The following PPP2R2A variants were observed in gnomAD, a reference collection of about 807,000 sequenced individuals.
The protein encoded by PPP2R2A is serine/threonine-protein phosphatase 2A 55 kDa regulatory subunit B alpha isoform.
Under a neutral mutation model 53.2 loss-of-function variants are expected in PPP2R2A, and 9 were observed. The observed-to-expected ratio is 0.17, with a 90% CI of 0.10 to 0.30. The LOEUF (loss-of-function observed/expected upper bound fraction) is 0.30, where lower values mean the gene tolerates loss of function less well. Ranked by LOEUF, PPP2R2A falls within the 10% of genes least tolerant of loss-of-function variation. The pLI is 1.00. For synonymous variants in PPP2R2A, 169 were observed against 174.2 expected (o/e 0.97, Z 0.23); for missense variants, 235 against 534.6 (o/e 0.44, Z 5.53).
At chr8:26,350,362 CTTGTACT>C (rs1804431538) in intron 3 of PPP2R2A, among the ~76,000 whole-genome samples, 1 of 152,130 alleles carries the variant, frequency 6.6e-6, no homozygotes, top group African/African-American at 2.4e-5. Flanking sequence ...CACGTCCGGC[CTTGTACT>C]TACTCTTGTG....
Position 26,371,276 on chromosome 8 carries a change from G to A in PPP2R2A, c.*863G>A, listed in dbSNP as rs1446157969. On this transcript the variant is annotated 3_prime_UTR_variant, in exon 10 of 10. Coordinates refer to ENST00000380737, the MANE Select transcript of PPP2R2A (RefSeq NM_002717.4). The stretch of plus-strand genomic sequence containing the variant: ...TTAACAAGTGTTCTTTTACATGCAG[G>A]AGGAGAGGTATTGGTTCTCTATGAA... 4 of 151,558 alleles carry A rather than the reference G, an allele frequency of 2.6e-5. No individual in the cohort carries two copies. The South Asian group carries it at 8.3e-4, about 31-fold the overall frequency. The allele number at this position is 151,558 out of a possible 1,614,324, so 9.4% of individuals were successfully genotyped here. A position where few individuals can be genotyped will look rare whatever the true frequency, so the allele number is the denominator to read the frequency against.
At chr8:26,291,902 GCCCGCGC>G in intron 1 of PPP2R2A, 76 bp downstream of exon 1, 1 of 1,451,630 alleles carries the variant, frequency 6.9e-7, no homozygotes, top group Non-Finnish European at 9.2e-7. Flanking sequence ...CCTAGCGACC[GCCCGCGC>G]CTCGCGCAGA....
At chr8:26,361,845 A>G (rs904952347) in intron 6 of PPP2R2A, among the ~76,000 whole-genome samples, 9 of 151,366 alleles carry the variant, frequency 5.9e-5, no homozygotes, top group Non-Finnish European at 1.0e-4. Context: ...CCTGTAATCT[A>G]AGCTACATGG....
At chr8:26,351,665 A>G (rs932573269) in intron 3 of PPP2R2A, among the ~76,000 whole-genome samples, 1 of 152,192 alleles carries the variant, frequency 6.6e-6, no homozygotes, top group Non-Finnish European at 1.5e-5. Context: ...TGAATAGTCA[A>G]CCTAACACCA....
At chr8:26,368,756 G>A (rs1465412501) in intron 9 of PPP2R2A, among the ~76,000 whole-genome samples, 4 of 152,160 alleles carry the variant, frequency 2.6e-5, no homozygotes, top group Admixed American at 2.0e-4. Flanking sequence ...GCAGTGAGCT[G>A]TGATTGTGCC....
At chr8:26,366,680 A>T (rs1399956359) in intron 9 of PPP2R2A, among the ~76,000 whole-genome samples, 1 of 152,116 alleles carries the variant, frequency 6.6e-6, no homozygotes, top group Non-Finnish European at 1.5e-5. Context: ...AACCATTAAA[A>T]CGGTGAAGCT....
chr8:26,320,737 G>GTAT (rs532834257), intron 2 of PPP2R2A, among the ~76,000 whole-genome samples: 1 of 152,222 alleles, frequency 6.6e-6, no homozygotes, highest in Non-Finnish European at 1.5e-5. Context: ...AAGTTTGGTG[G>GTAT]TATTATTATT....
chr8:26,348,074 T>C (rs1045208004), intron 3 of PPP2R2A, among the ~76,000 whole-genome samples: 1 of 152,212 alleles, frequency 6.6e-6, no homozygotes. Context: ...AAAATACTTT[T>C]ATACTGCTAT....
chr8:26,357,305 G>T (rs1004940387), intron 4 of PPP2R2A, among the ~76,000 whole-genome samples: 2 of 143,588 alleles, frequency 1.4e-5, no homozygotes, highest in South Asian at 4.7e-4. Context: ...CAATATAATG[G>T]GTCTATATAA....
In PPP2R2A at chr8:26,371,904, TATTTTTGAAAGGTG is replaced by T. The variant is rs1255691707; in HGVS notation, c.*1493_*1506del. 1 of 152,208 alleles carries T rather than the reference TATTTTTGAAAGGTG, an allele frequency of 6.6e-6. No homozygotes were observed. The highest frequency in any genetic ancestry group is 1.9e-4 in the East Asian group (1 of 5,196). 9.4% of individuals were successfully genotyped at this position (152,208 alleles called of 1,614,324 possible). Reference sequence around the variant, plus strand: ...ACTTTAATGGAGAAGAAATGGACTTTATTTTTGAAAGGTGAAATGAACAGGCATTTATATTATTA... The same window carrying T: ...ACTTTAATGGAGAAGAAATGGACTTTAAATGAACAGGCATTTATATTATTA... On this transcript the variant is annotated 3_prime_UTR_variant, in exon 10 of 10. Transcript: ENST00000380737.
Position 26,321,480 on chromosome 8 carries a change from C to G in PPP2R2A, c.83-17410C>G, listed in dbSNP as rs891789421. 2.0e-5 allele frequency among the ~76,000 whole-genome samples: 3 copies of G among 152,204 alleles called. No homozygotes were observed. The highest frequency in any genetic ancestry group is 1.9e-4 in the East Asian group (1 of 5,200). On this transcript the variant is annotated intron_variant, in intron 2 of 9. Transcript: ENST00000380737. This position sits in a 1 kb window ranked among gnomAD's most constrained non-coding sequence, Gnocchi z 4.1. ...CTGGACCTCTCGTGACTTGCTTCCA[C>G]AAGTGGGGCAAGATGCTGGGATGCT...
At chr8:26,342,758 G>C (rs1391284196) in intron 3 of PPP2R2A, among the ~76,000 whole-genome samples, 1 of 151,826 alleles carries the variant, frequency 6.6e-6, no homozygotes. Context: ...TTCTTAATGT[G>C]GTATTCCCAA....
intron 2 of PPP2R2A, among the ~76,000 whole-genome samples, chr8:26,309,480 G>T (rs1308221505): frequency 6.6e-6 from 1 of 152,142 alleles, no homozygotes; most frequent in Non-Finnish European, 1.5e-5. Context: ...TCAACTTAAA[G>T]TCACCCAGCT....
In PPP2R2A at chr8:26,362,949, AC is replaced by A; in HGVS notation, c.802+104del. The stretch of plus-strand genomic sequence containing the variant: ...CAATTACAGAGGTTCAAAGTCTTAA[AC>A]CCGTGTGTCCAGAGCCACTTGTACC... On this transcript the variant is annotated intron_variant, in intron 7 of 9. Transcript: ENST00000380737. The surrounding 1 kb of genome is among the most constrained non-coding windows in gnomAD (Gnocchi z 4.4). 4.2e-6 allele frequency: 5 copies of A among 1,183,968 alleles called. No individual in the cohort carries two copies. The highest frequency in any genetic ancestry group is 6.0e-6 in the Non-Finnish European group (5 of 838,690). The allele number at this position is 1,183,968 out of a possible 1,614,324, so 73.3% of individuals were successfully genotyped here.
intron 2 of PPP2R2A, among the ~76,000 whole-genome samples, chr8:26,320,504 C>A (rs1402157564): frequency 1.3e-5 from 2 of 152,110 alleles, no homozygotes; most frequent in Non-Finnish European, 2.9e-5. Context: ...TGCTGGTATT[C>A]TAACTTACGA....
rs1801412739 is a variant in PPP2R2A at position 26,293,724 on chromosome 8, T to C, written c.66T>C (p.Asp22=). 6.2e-7 allele frequency: 1 copy of C among 1,613,730 alleles called. No homozygotes were observed. The highest frequency in any genetic ancestry group is 8.5e-7 in the Non-Finnish European group (1 of 1,179,786). The change falls in exon 2 of 10, where the codon GAT becomes GAC. Residue 22 remains aspartate, a synonymous_variant. Coordinates refer to ENST00000380737, the MANE Select transcript of PPP2R2A (RefSeq NM_002717.4). Reference sequence around the variant, plus strand: ...TTTCTCAGGTGAAAGGAGCAGTAGATGATGATGTAGCAGAAGGTAAGAAAG... The same window carrying C: ...TTTCTCAGGTGAAAGGAGCAGTAGACGATGATGTAGCAGAAGGTAAGAAAG... The part of the protein sequence containing the change: ...WCFSQVKGAV[D]DDVAEADIIS...
At chr8:26,322,603 G>A (rs1477391566) in intron 2 of PPP2R2A, among the ~76,000 whole-genome samples, 1 of 151,508 alleles carries the variant, frequency 6.6e-6, no homozygotes, top group Admixed American at 6.6e-5. Context: ...AAAAAAAAAA[G>A]ACTTAACTAC....
At chr8:26,326,259 C>T (rs1340397919) in intron 2 of PPP2R2A, among the ~76,000 whole-genome samples, 1 of 152,130 alleles carries the variant, frequency 6.6e-6, no homozygotes, top group East Asian at 1.9e-4. Flanking sequence ...TCCAGTTTTC[C>T]CTTTGCTTAG....
chr8:26,304,790 A>G (rs1801939242), intron 2 of PPP2R2A, among the ~76,000 whole-genome samples: 1 of 152,214 alleles, frequency 6.6e-6, no homozygotes, highest in Non-Finnish European at 1.5e-5. Context: ...ATGTTTGTTA[A>G]AGGAATTGGT....
Sources: gnomAD v4.1 joint callset for allele counts (sites outside exome capture counted in the v4.1 genomes callset) on GRCh38, gnomAD v4.1.1 for gene constraint, Gnocchi (gnomAD v3.1) non-coding constraint, MANE v1.5 for transcripts, NCBI Gene and HGNC (gene_info 2026-07-23, HGNC 2026-07-21) for gene names.